Variants in PBX1 observed in about 807,000 individuals in gnomAD.
PBX1 encodes pre-B-cell leukemia transcription factor 1.
A neutral mutation model predicts 53.4 loss-of-function variants in PBX1; 6 were observed. The observed-to-expected ratio is 0.11, with a 90% CI of 0.06 to 0.22. The LOEUF (loss-of-function observed/expected upper bound fraction) is 0.22. Among genes scored for constraint, PBX1 ranks in the 10% least tolerant of loss-of-function variants. The probability of loss-of-function intolerance (pLI) is 1.00; values close to 1 mark genes in which losing one functional copy is unlikely to be tolerated. For synonymous variants in PBX1, 204 were observed against 212.3 expected (o/e 0.96, Z 0.34); for missense variants, 251 against 551.4 (o/e 0.46, Z 5.46).
At chr1:164,878,142 G>A (rs75128043) in intron 2 of PBX1, among the ~76,000 whole-genome samples, 1,896 of 152,174 alleles carry the variant, frequency 0.012, 45 homozygotes, top group African/African-American at 0.038. Flanking sequence ...TTTAGAGTTC[G>A]AATTCCAGTT....
intron 2 of PBX1, among the ~76,000 whole-genome samples, chr1:164,783,939 C>T (rs1668048357): frequency 6.6e-6 from 1 of 152,206 alleles, no homozygotes; most frequent in African/African-American, 2.4e-5. Flanking sequence ...CTTCTGTTTT[C>T]TCTATGGTTG....
chr1:164,835,301 T>C (rs75732031), intron 8 of PBX1, among the ~76,000 whole-genome samples: 2,898 of 151,578 alleles, frequency 0.019, 105 homozygotes, highest in African/African-American at 0.064. Flanking sequence ...GTACAGAACA[T>C]TTAATGCACA....
chr1:164,733,620 TA>T (rs1665116142), intron 2 of PBX1, among the ~76,000 whole-genome samples: 1 of 152,204 alleles, frequency 6.6e-6, no homozygotes, highest in South Asian at 2.1e-4. Flanking sequence ...TTCTATATAC[TA>T]AAACCTGTTT....
intron 2 of PBX1, among the ~76,000 whole-genome samples, chr1:164,655,769 G>A (rs1011421946): frequency 1.9e-4 from 29 of 152,302 alleles, no homozygotes; most frequent in African/African-American, 7.0e-4. Flanking sequence ...TATAGTTAAT[G>A]TGATGTAGCC....
chr1:164,645,114 C>T (rs769651407), intron 2 of PBX1, among the ~76,000 whole-genome samples: 1 of 152,142 alleles, frequency 6.6e-6, no homozygotes, highest in Non-Finnish European at 1.5e-5. Flanking sequence ...CGATTTCTTT[C>T]TACCCATGAG....
chr1:164,719,410 G>T (rs1057210691), intron 2 of PBX1, among the ~76,000 whole-genome samples: 3 of 152,206 alleles, frequency 2.0e-5, no homozygotes, highest in Non-Finnish European at 4.4e-5. Context: ...ACATCAGGAA[G>T]TGGTAGCCAT....
At chr1:164,824,382 A>G (rs1387617323) in intron 8 of PBX1, among the ~76,000 whole-genome samples, 2 of 152,236 alleles carry the variant, frequency 1.3e-5, no homozygotes, top group African/African-American at 4.8e-5. Flanking sequence ...AAATGGGGAC[A>G]GTAATTCCCA....
chr1:164,582,249 C>G (rs985481382), intron 2 of PBX1, among the ~76,000 whole-genome samples: 2 of 152,070 alleles, frequency 1.3e-5, no homozygotes, highest in Non-Finnish European at 2.9e-5. Context: ...AGTCCATATC[C>G]TAGAAAGGTT....
At chr1:164,810,423 A>T (rs1359967081) in intron 5 of PBX1, among the ~76,000 whole-genome samples, 8 of 152,170 alleles carry the variant, frequency 5.3e-5, no homozygotes, top group Non-Finnish European at 1.5e-5. Context: ...CATTGTTGTC[A>T]TTTAGAAGGG....
At chr1:164,871,879 A>T (rs61802601) in intron 2 of PBX1, among the ~76,000 whole-genome samples, 2 of 7,120 alleles carry the variant, frequency 2.8e-4, no homozygotes, top group Non-Finnish European at 1.8e-3. Context: ...TTAAACAAAC[A>T]TATACTTGTT....
intron 2 of PBX1, among the ~76,000 whole-genome samples, chr1:164,687,212 G>A (rs1458236609): frequency 6.6e-6 from 1 of 152,076 alleles, no homozygotes; most frequent in Non-Finnish European, 1.5e-5. Context: ...AACAAAAAGG[G>A]GTTGGCATTT....
intron 1 of PBX1, 134 bp from the exon 2 acceptor site, chr1:164,563,104 C>A: frequency 1.1e-5 from 6 of 541,156 alleles, no homozygotes; most frequent in East Asian, 3.1e-5. Flanking sequence ...GTCATGAAAA[C>A]AACTGAAGCA....
intron 2 of PBX1, among the ~76,000 whole-genome samples, chr1:164,760,148 A>C (rs915185148): frequency 4.6e-5 from 7 of 152,188 alleles, no homozygotes; most frequent in African/African-American, 1.7e-4. Flanking sequence ...TCTTAAATGG[A>C]GCCTGTCACT....
Position 164,655,794 on chromosome 1 carries a change from T to G in PBX1, c.265+92483T>G, listed in dbSNP as rs1660131007. On this transcript the variant is annotated intron_variant, in intron 2 of 8. Transcript: ENST00000420696. ...GTGATGTAGCCTCCCTAAATCTCAG[T>G]GAATAGGATTTTACATGGCATCAAT... 2.0e-5 allele frequency among the ~76,000 whole-genome samples: 3 copies of G among 152,314 alleles called. No homozygotes were observed. In the South Asian group the frequency reaches 6.2e-4, roughly 32 times the overall value.
At position 164,559,799 on chromosome 1, in the gene PBX1, CG is replaced by C; in HGVS notation, c.-19del. The C allele has an allele frequency of 1.3e-6, 2 of 1,525,270 alleles. No homozygotes were observed. Among genetic ancestry groups the C allele is most frequent in the Non-Finnish European group, 1.8e-6 (2 of 1,134,044 alleles). The allele number at this position is 1,525,270 out of a possible 1,614,324, so 94.5% of individuals were successfully genotyped here. A position where few individuals can be genotyped will look rare whatever the true frequency, so the allele number is the denominator to read the frequency against. ...AGCCGAGGAGCAGAAGAGGAAGAGCCGGGGGCTGCCGTAGCCTTTGGAGATG... is the reference window on the plus strand; with the variant it reads ...AGCCGAGGAGCAGAAGAGGAAGAGCCGGGGCTGCCGTAGCCTTTGGAGATG... On this transcript the variant is annotated 5_prime_UTR_variant, in exon 1 of 9. Transcript: ENST00000420696.
At chr1:164,645,705 C>T (rs1166462561) in intron 2 of PBX1, among the ~76,000 whole-genome samples, 4 of 152,134 alleles carry the variant, frequency 2.6e-5, no homozygotes, top group Non-Finnish European at 4.4e-5. Flanking sequence ...CAGATATATA[C>T]CTCACTCCCG....
intron 6 of PBX1, 159 bp from the exon 7 acceptor site, chr1:164,819,913 G>A: frequency 3.4e-6 from 2 of 595,182 alleles, no homozygotes; most frequent in Admixed American, 6.0e-5. Context: ...TGCTTGCTCT[G>A]TTCTTCATGC....
chr1:164,720,015 A>G (rs1664316809), intron 2 of PBX1, among the ~76,000 whole-genome samples: 1 of 152,152 alleles, frequency 6.6e-6, no homozygotes. Context: ...GTTTTACCAC[A>G]AATGCTTGCC....
At chr1:164,658,081 T>A (rs1660265117) in intron 2 of PBX1, among the ~76,000 whole-genome samples, 2 of 150,382 alleles carry the variant, frequency 1.3e-5, no homozygotes, top group Admixed American at 1.3e-4. Flanking sequence ...TGGGGAGACC[T>A]AAAGTCCAAA....
Sources: gnomAD v4.1 joint callset for allele counts (sites outside exome capture counted in the v4.1 genomes callset) on GRCh38, gnomAD v4.1.1 for gene constraint, MANE v1.5 for transcripts, NCBI Gene and HGNC (gene_info 2026-07-23, HGNC 2026-07-21) for gene names.